JAML: variants seen among roughly 807,000 people sequenced by gnomAD.
The protein encoded by JAML is junction adhesion molecule like, also known as junctional adhesion molecule-like.
In JAML, 25 loss-of-function variants were observed where a neutral mutation model predicts 39.3. The observed-to-expected ratio is 0.64, with a 90% confidence interval of 0.46 to 0.89. JAML has a LOEUF of 0.89. Ranked by LOEUF, JAML falls within the 40% of genes least tolerant of loss-of-function variation. The pLI is 0.00. For missense variants in JAML, 440 were observed against 486.9 expected (o/e 0.90, Z 0.91); for synonymous variants, 162 against 179.2 (o/e 0.90, Z 0.77).
chr11:118,196,184 T>C (rs906479133), intron 9 of JAML, among the ~76,000 whole-genome samples: 1 of 149,210 alleles, frequency 6.7e-6, no homozygotes, highest in Non-Finnish European at 1.5e-5. Context: ...GGCTGGAGTG[T>C]AGTGGTGGAT....
At chr11:118,198,151 T>G (rs1310887839) in intron 7 of JAML, 60 bp from the exon 8 acceptor site, 1 of 1,390,144 alleles carries the variant, frequency 7.2e-7, no homozygotes, top group Non-Finnish European at 1.0e-6. Flanking sequence ...CAAGGGTCCC[T>G]ACATGAGATC....
In JAML at chr11:118,210,509, A is replaced by G; in HGVS notation, c.402T>C (p.His134=). Residue 134 remains histidine, a synonymous_variant, in exon 4 of 10, where the codon CAT becomes CAC. Transcript: ENST00000356289. ...SQVFKKAVVL[H]VLPEEPKELM... ...TACCTTTGGGCTCCTCTGGAAGCACATGCAGTACCACCGCCTTCTTGAACA... is the reference window on the plus strand; with the variant it reads ...TACCTTTGGGCTCCTCTGGAAGCACGTGCAGTACCACCGCCTTCTTGAACA... 1 of 1,614,114 alleles carries G rather than the reference A, an allele frequency of 6.2e-7. No individual in the cohort carries two copies. The highest frequency in any genetic ancestry group is 2.2e-5 in the East Asian group (1 of 44,888).
chr11:118,212,791 C>G (rs1320915810), intron 2 of JAML: 1 of 1,603,602 alleles, frequency 6.2e-7, no homozygotes, highest in African/African-American at 1.4e-5. Context: ...TATCTGGCTC[C>G]CTCCTCCTAT....
chr11:118,213,479 A>G (rs1365507202), intron 2 of JAML: 1 of 252,572 alleles, frequency 4.0e-6, no homozygotes, highest in Non-Finnish European at 6.3e-6. Flanking sequence ...GAAAACATCG[A>G]CTCTAAACCC....
At chr11:118,199,166 A>C (rs2134644648) in intron 7 of JAML, among the ~76,000 whole-genome samples, 1 of 152,320 alleles carries the variant, frequency 6.6e-6, no homozygotes, top group South Asian at 2.1e-4. Flanking sequence ...AATTATAAGC[A>C]AGACGGCAGT....
At chr11:118,224,471 C>T (rs911912406) in intron 1 of JAML, among the ~76,000 whole-genome samples, 1 of 152,172 alleles carries the variant, frequency 6.6e-6, no homozygotes, top group African/African-American at 2.4e-5. Flanking sequence ...TCTGCTTCAC[C>T]ATAGTAAACT....
chr11:118,196,406 G>C (rs934626564), intron 9 of JAML, among the ~76,000 whole-genome samples: 3 of 152,114 alleles, frequency 2.0e-5, no homozygotes, highest in Non-Finnish European at 4.4e-5. Flanking sequence ...GGGATTTCAG[G>C]CATGAGCCAC....
intron 2 of JAML, among the ~76,000 whole-genome samples, chr11:118,213,579 GT>G (rs544748581): frequency 3.9e-4 from 60 of 152,346 alleles, no homozygotes; most frequent in Non-Finnish European, 7.2e-4. Context: ...AGCTCCATGT[GT>G]GATTGAAAGT....
chr11:118,212,873 T>G, intron 2 of JAML: 2 of 1,614,186 alleles, frequency 1.2e-6, no homozygotes, highest in Non-Finnish European at 1.7e-6. Flanking sequence ...CCCAGAAGTC[T>G]CTCCTTTCTG....
intron 1 of JAML, among the ~76,000 whole-genome samples, chr11:118,220,420 G>A (rs1048975417): frequency 6.6e-6 from 1 of 152,174 alleles, no homozygotes; most frequent in African/African-American, 2.4e-5. Context: ...GCCCCCAGAG[G>A]TTGGCTCATC....
chr11:118,215,971 T>A (rs1264719456), intron 1 of JAML, among the ~76,000 whole-genome samples: 1 of 152,124 alleles, frequency 6.6e-6, no homozygotes, highest in Non-Finnish European at 1.5e-5. Context: ...AGATTCCACC[T>A]CAGAATCTGC....
Position 118,194,184 on chromosome 11 carries a change from C to T in JAML, c.*141G>A, listed in dbSNP as rs1390656319. 4 of 727,742 alleles carry T rather than the reference C, an allele frequency of 5.5e-6. No individual in the cohort carries two copies. In the Admixed American group the frequency reaches 6.6e-5, roughly 12 times the overall value. 45.1% of individuals were successfully genotyped at this position (727,742 alleles called of 1,614,324 possible). ...GTCTCTCTGCCAGGCTCCAAATTCT[C>T]CATCTTCAGTGTATTGACCAAACAA... On this transcript the variant is annotated 3_prime_UTR_variant, in exon 10 of 10. Transcript: ENST00000356289.
chr11:118,203,267 A>C, intron 6 of JAML, 161 bp downstream of exon 6: 1 of 765,514 alleles, frequency 1.3e-6, no homozygotes, highest in Non-Finnish European at 2.3e-6. Flanking sequence ...GCCACCTCTA[A>C]GGAGGCATCA....
Position 118,194,293 on chromosome 11 carries a change from C to T in JAML, c.*32G>A, listed in dbSNP as rs768445461. 21 of 1,575,602 alleles carry T rather than the reference C, an allele frequency of 1.3e-5. No individual in the cohort carries two copies. The highest frequency in any genetic ancestry group is 4.5e-5 in the East Asian group (2 of 44,696). On this transcript the variant is annotated 3_prime_UTR_variant, in exon 10 of 10. Transcript: ENST00000356289. ...GACACACACAGGAGAGAGTCTCCAC[C>T]GCTGCTGAGATGAAGGGACTCTCCA...
At chr11:118,212,656 C>G in intron 2 of JAML, 95 bp from the exon 3 acceptor site, 1 of 1,529,636 alleles carries the variant, frequency 6.5e-7, no homozygotes, top group Middle Eastern at 1.8e-4. Flanking sequence ...CACCCCTCTC[C>G]CTGGATGATC....
chr11:118,221,151 C>T (rs1949205987), intron 1 of JAML, among the ~76,000 whole-genome samples: 1 of 152,130 alleles, frequency 6.6e-6, no homozygotes, highest in African/African-American at 2.4e-5. Context: ...ACCATTGGAA[C>T]TGAGTACACC....
In JAML at chr11:118,195,067, C is replaced by T. The variant is rs143642010; in HGVS notation, c.1093-650G>A. Among the ~76,000 whole-genome samples, 704 of 152,320 alleles carry T rather than the reference C, an allele frequency of 4.6e-3. 5 individuals are homozygous for T. Among genetic ancestry groups the T allele is most frequent in the Middle Eastern group, 0.017 (5 of 294 alleles). Reference sequence around the variant, plus strand: ...AACCTGGGGAAGTTAGCTGTGAAGACAATTGTTCCTCCTGCATCATCTCCA... The same window carrying T: ...AACCTGGGGAAGTTAGCTGTGAAGATAATTGTTCCTCCTGCATCATCTCCA... On this transcript the variant is annotated intron_variant, in intron 9 of 9. Transcript: ENST00000356289.
At position 118,196,753 on chromosome 11, in the gene JAML, C is replaced by G. The variant is rs1487431103; in HGVS notation, c.1074G>C (p.Glu358Asp). The change falls in exon 9 of 10, where the codon GAG becomes GAC. Residue 358 changes from glutamate (E) to aspartate (D), a missense_variant. Glu to Asp is a conservative substitution (Grantham distance 45). Coordinates refer to ENST00000356289, the MANE Select transcript of JAML (RefSeq NM_001098526.2). Reference sequence around the variant, plus strand: ...TTCTCACCATGGTCATGTAGGTGGCCTCTGATTTTTCACTTGGTTCTTCTT... The same window carrying G: ...TTCTCACCATGGTCATGTAGGTGGCGTCTGATTTTTCACTTGGTTCTTCTT... ...IEEEEPSEKS[E>D]ATYMTMHPVW... is the part of the protein sequence containing the mutation. The G allele has an allele frequency of 6.2e-7, 1 of 1,611,798 alleles. No individual in the cohort carries two copies. Among genetic ancestry groups the G allele is most frequent in the African/African-American group, 1.3e-5 (1 of 74,844 alleles).
intron 2 of JAML, among the ~76,000 whole-genome samples, chr11:118,213,645 G>T (rs1949102308): frequency 6.6e-6 from 1 of 152,204 alleles, no homozygotes. Context: ...ATGAAGGACT[G>T]CTAGGAAGCA....
Sources: gnomAD v4.1 joint callset for allele counts (sites outside exome capture counted in the v4.1 genomes callset) on GRCh38, gnomAD v4.1.1 for gene constraint, MANE v1.5 for transcripts, NCBI Gene and HGNC (gene_info 2026-07-23, HGNC 2026-07-21) for gene names.